The following ZBTB5 variants were observed in gnomAD, a reference collection of about 807,000 sequenced individuals.
ZBTB5 encodes the protein zinc finger and BTB domain containing 5.
In ZBTB5, 15 loss-of-function variants were observed where a neutral mutation model predicts 37.9. The observed-to-expected ratio is 0.40, with a 90% confidence interval of 0.26 to 0.61. ZBTB5 has a LOEUF of 0.61. Ranked by LOEUF, ZBTB5 falls within the 20% of genes least tolerant of loss-of-function variation. ZBTB5 has a pLI of 0.47. For synonymous variants in ZBTB5, 315 were observed against 312.4 expected, an observed-to-expected ratio of 1.01 and a Z score of -0.09; for missense variants, 708 against 856.8, an observed-to-expected ratio of 0.83 and a Z score of 2.17.
intron 1 of ZBTB5, among the ~76,000 whole-genome samples, chr9:37,456,873 T>C (rs1203729414): frequency 6.6e-6 from 1 of 152,210 alleles, no homozygotes; most frequent in African/African-American, 2.4e-5. Context: ...CAACTATCTC[T>C]AAAATCAGCC....
At chr9:37,458,842 A>C (rs1357755547) in intron 1 of ZBTB5, among the ~76,000 whole-genome samples, 1 of 152,250 alleles carries the variant, frequency 6.6e-6, no homozygotes, top group Non-Finnish European at 1.5e-5. Flanking sequence ...TTCAAGGTAC[A>C]AAACATAAGC....
intron 1 of ZBTB5, among the ~76,000 whole-genome samples, chr9:37,464,839 G>C (rs1344030083): frequency 1.3e-5 from 2 of 152,214 alleles, no homozygotes; most frequent in South Asian, 2.1e-4. Context: ...ACCCAGGATG[G>C]GGGCAAGGGA....
chr9:37,463,523 G>A (rs982656363), intron 1 of ZBTB5, among the ~76,000 whole-genome samples: 3 of 152,150 alleles, frequency 2.0e-5, no homozygotes, highest in Non-Finnish European at 4.4e-5. Flanking sequence ...ACTACACCAG[G>A]TTTTGTCAAT....
rs762107962 is a variant in ZBTB5 at position 37,441,383 on chromosome 9, C to G, written c.1169G>C (p.Gly390Ala). 2 of 1,614,054 alleles carry G rather than the reference C, an allele frequency of 1.2e-6. No individual in the cohort carries two copies. Among genetic ancestry groups the G allele is most frequent in the Admixed American group, 3.3e-5 (2 of 60,010 alleles). The change falls in exon 2 of 2, where the codon GGT becomes GCT. Residue 390 changes from glycine to alanine, a missense_variant. By Grantham distance (60) the Gly-to-Ala change is moderately conservative. Around this residue, in one of 3 missense-constraint regions of ZBTB5, gnomAD observed 639 missense variants for 690.5 expected, o/e 0.93. Coordinates refer to ENST00000307750, the MANE Select transcript of ZBTB5 (RefSeq NM_014872.3). ...SDPQSSTDRV[G>A]DIHILEVTNN... ...TGTGACTTCCAAAATATGGATATCACCTACCCTGTCTGTGCTAGACTGGGG... is the reference window on the plus strand; with the variant it reads ...TGTGACTTCCAAAATATGGATATCAGCTACCCTGTCTGTGCTAGACTGGGG...
intron 1 of ZBTB5, among the ~76,000 whole-genome samples, chr9:37,443,468 AC>A (rs757618265): frequency 1.3e-5 from 2 of 152,308 alleles, no homozygotes; most frequent in South Asian, 2.1e-4. Flanking sequence ...GACTCAGCAC[AC>A]CCCAAAAGCG....
chr9:37,446,787 T>C (rs1231036456), intron 1 of ZBTB5, among the ~76,000 whole-genome samples: 2 of 152,254 alleles, frequency 1.3e-5, no homozygotes, highest in African/African-American at 4.8e-5. Context: ...ATTAAGTCTA[T>C]AGCCCTGCCT....
intron 1 of ZBTB5, among the ~76,000 whole-genome samples, chr9:37,443,663 G>A (rs79945793): frequency 0.037 from 5,707 of 152,272 alleles, 181 homozygotes; most frequent in Non-Finnish European, 0.053. Flanking sequence ...ATGTGGTGGC[G>A]CATGCCTGTA....
chr9:37,453,319 T>A (rs1447661290), intron 1 of ZBTB5, among the ~76,000 whole-genome samples: 1 of 151,706 alleles, frequency 6.6e-6, no homozygotes, highest in African/African-American at 2.4e-5. Flanking sequence ...TCCCGTTGGC[T>A]GGGATTACAG....
rs770740223 is a variant in ZBTB5, at chr9:37,441,220, G to A, written c.1332C>T (p.Ala444=). The A allele has an allele frequency of 6.2e-7, 1 of 1,614,026 alleles. No homozygotes were observed. The highest frequency in any genetic ancestry group is 1.1e-5 in the South Asian group (1 of 91,064). ...TTSDCRLESE[A]PYLLSPEAGP... ...CAGCCTCTGGACTCAACAAATAGGG[G>A]GCCTCACTCTCCAGCCTGCAGTCAC... The change falls in exon 2 of 2, where the codon GCC becomes GCT. Residue 444 remains alanine (A), a synonymous_variant. Coordinates refer to ENST00000307750, the MANE Select transcript of ZBTB5 (RefSeq NM_014872.3).
rs1216194280 is a variant in ZBTB5 at position 37,441,451 on chromosome 9, C to T, written c.1101G>A (p.Lys367=). 6.2e-7 allele frequency: 1 copy of T among 1,613,576 alleles called. No individual in the cohort carries two copies. The highest frequency in any genetic ancestry group is 8.5e-7 in the Non-Finnish European group (1 of 1,179,948). The change falls in exon 2 of 2, where the codon AAG becomes AAA. Residue 367 remains lysine (K), a synonymous_variant. Coordinates refer to ENST00000307750, the MANE Select transcript of ZBTB5 (RefSeq NM_014872.3). ...CACTGCTTTCAGGGCTGAGGTCTAT[C>T]TTCTCGGCACTGACCACAACTCCTT... The part of the protein sequence containing the change: ...EVEGVVVSAE[K]IDLSPESSDR...
intron 1 of ZBTB5, among the ~76,000 whole-genome samples, chr9:37,458,303 C>A (rs1317705218): frequency 6.6e-6 from 1 of 152,228 alleles, no homozygotes; most frequent in Non-Finnish European, 1.5e-5. Context: ...TCTTGAGTAC[C>A]TGTTTTCAAT....
At chr9:37,461,161 G>A (rs1020558549) in intron 1 of ZBTB5, among the ~76,000 whole-genome samples, 1 of 152,106 alleles carries the variant, frequency 6.6e-6, no homozygotes. Flanking sequence ...AATGTGTTTA[G>A]ATTTTTGTAG....
chr9:37,464,124 A>G (rs1367386061), intron 1 of ZBTB5, among the ~76,000 whole-genome samples: 2 of 152,188 alleles, frequency 1.3e-5, no homozygotes, highest in Non-Finnish European at 1.5e-5. Flanking sequence ...AGAAATCACA[A>G]GAGTTTAGGC....
intron 1 of ZBTB5, among the ~76,000 whole-genome samples, chr9:37,463,731 G>A (rs1170972789): frequency 6.6e-6 from 1 of 152,140 alleles, no homozygotes; most frequent in Non-Finnish European, 1.5e-5. Flanking sequence ...AATTCTGCTA[G>A]AGACATATCA....
At chr9:37,458,944 G>C (rs1224094300) in intron 1 of ZBTB5, among the ~76,000 whole-genome samples, 1 of 152,150 alleles carries the variant, frequency 6.6e-6, no homozygotes, top group Admixed American at 6.6e-5. Flanking sequence ...TACCACTTGT[G>C]GAGTTTTGGT....
chr9:37,463,453 T>G (rs1288019750), intron 1 of ZBTB5, among the ~76,000 whole-genome samples: 1 of 152,240 alleles, frequency 6.6e-6, no homozygotes, highest in Non-Finnish European at 1.5e-5. Flanking sequence ...AATCAATACC[T>G]TGGGTTCTTT....
intron 1 of ZBTB5, among the ~76,000 whole-genome samples, chr9:37,455,392 C>T (rs1438885832): frequency 6.6e-6 from 1 of 152,212 alleles, no homozygotes; most frequent in Non-Finnish European, 1.5e-5. Flanking sequence ...CCCGAATACA[C>T]CATCCTTCAA....
At chr9:37,460,045 C>T (rs1382482118) in intron 1 of ZBTB5, among the ~76,000 whole-genome samples, 3 of 148,898 alleles carry the variant, frequency 2.0e-5, no homozygotes, top group Admixed American at 6.9e-5. Flanking sequence ...TGGGTTTCAT[C>T]ATATTAGCCA....
At chr9:37,442,707 T>G (rs1203287219) in intron 1 of ZBTB5, among the ~76,000 whole-genome samples, 152 bp from the exon 2 acceptor site, 2 of 152,096 alleles carry the variant, frequency 1.3e-5, no homozygotes, top group Non-Finnish European at 2.9e-5. Context: ...ACTAAGAGCT[T>G]GTCATATAAG....
Sources: gnomAD v4.1 joint callset for allele counts (sites outside exome capture counted in the v4.1 genomes callset) on GRCh38, gnomAD v4.1.1 for gene constraint, gnomAD v4.1.1 regional missense constraint, MANE v1.5 for transcripts, NCBI Gene and HGNC (gene_info 2026-07-23, HGNC 2026-07-21) for gene names.